The following ANKK1 variants were observed in gnomAD, a reference collection of about 807,000 sequenced individuals.
The protein encoded by ANKK1 is ankyrin repeat and protein kinase domain-containing protein 1.
In ANKK1, 37 loss-of-function variants were observed where a neutral mutation model predicts 37.6. The observed-to-expected ratio is 0.98, with a 90% CI of 0.76 to 1.29. The LOEUF (loss-of-function observed/expected upper bound fraction) is 1.29, where lower values mean the gene tolerates loss of function less well. Ranked by LOEUF, ANKK1 falls within the 50% of genes most tolerant of loss-of-function variation. ANKK1 has a pLI of 0.00. For missense variants in ANKK1, 1,019 were observed against 990.6 expected, an observed-to-expected ratio of 1.03 and a Z score of -0.39; for synonymous variants, 415 against 418.7, an observed-to-expected ratio of 0.99 and a Z score of 0.11.
At chr11:113,396,913 G>A (rs1285937919) in intron 5 of ANKK1, among the ~76,000 whole-genome samples, 1 of 152,224 alleles carries the variant, frequency 6.6e-6, no homozygotes, top group Non-Finnish European at 1.5e-5. Flanking sequence ...GGCTGAGGAT[G>A]GCCCATGAGC....
At position 113,398,851 on chromosome 11, in the gene ANKK1, TA is replaced by T; in HGVS notation, c.995-112del. On this transcript the variant is annotated intron_variant, in intron 7 of 7. Coordinates refer to ENST00000303941, the MANE Select transcript of ANKK1 (RefSeq NM_178510.2). ...CCATGCTTAGGAAAGGCATTGCCCT[TA>T]CTGCTCTAGCCTCTGTTCCTGGATG... The T allele has an allele frequency of 1.1e-5, 10 of 924,800 alleles. No individual in the cohort carries two copies. The South Asian group carries it at 1.7e-4, about 16-fold the overall frequency. The allele number at this position is 924,800 out of a possible 1,614,324, so 57.3% of individuals were successfully genotyped here.
In ANKK1 at chr11:113,395,635, A is replaced by G. The variant is rs1475325306; in HGVS notation, c.682+227A>G. 4.6e-5 allele frequency among the ~76,000 whole-genome samples: 7 copies of G among 152,142 alleles called. No individual in the cohort carries two copies. The East Asian group carries it at 9.6e-4, about 21-fold the overall frequency. ...GAAAGGTCAGCCCAGCCCCCAGCCC[A>G]TGCTTGGTGGCTCTAACTTCCTTGC... On this transcript the variant is annotated intron_variant, in intron 4 of 7. Transcript: ENST00000303941.
Position 113,393,521 on chromosome 11 carries a change from A to C in ANKK1, c.226A>C (p.Lys76Gln), listed in dbSNP as rs774419815. 1 of 1,613,874 alleles carries C rather than the reference A, an allele frequency of 6.2e-7. No individual in the cohort carries two copies. Among genetic ancestry groups the C allele is most frequent in the Admixed American group, 1.7e-5 (1 of 60,022 alleles). Residue 76 changes from lysine to glutamine, a missense_variant, in exon 2 of 8, where the codon AAG becomes CAG. Lys to Gln is a moderately conservative substitution (Grantham distance 53). Coordinates refer to ENST00000303941, the MANE Select transcript of ANKK1 (RefSeq NM_178510.2). ...NYLIEEAAKMKKIKFQHIVSI... is the reference protein window; with the variant it reads ...NYLIEEAAKMQKIKFQHIVSI... ...CCTCATTGAAGAAGCTGCCAAAATG[A>C]AGAAGATCAAGTTTCAGCACATCGT...
chr11:113,389,010 C>T (rs1437216510), intron 1 of ANKK1, among the ~76,000 whole-genome samples: 2 of 152,126 alleles, frequency 1.3e-5, no homozygotes, highest in South Asian at 2.1e-4. Context: ...TCTTAAGATA[C>T]AGCCTCAGGT....
chr11:113,396,973 G>T (rs1950643793), intron 5 of ANKK1, among the ~76,000 whole-genome samples: 1 of 152,212 alleles, frequency 6.6e-6, no homozygotes, highest in South Asian at 2.1e-4. Context: ...GTAAGTGTGA[G>T]CATCTTAGAG....
intron 5 of ANKK1, among the ~76,000 whole-genome samples, chr11:113,396,655 AG>A (rs1293115970): frequency 6.6e-6 from 1 of 152,130 alleles, no homozygotes; most frequent in Non-Finnish European, 1.5e-5. Context: ...GGACTTTTTG[AG>A]GCAGGATCTG....
Position 113,399,416 on chromosome 11 carries a change from C to G in ANKK1, c.1447C>G (p.Arg483Gly). 2.5e-6 allele frequency: 4 copies of G among 1,599,898 alleles called. No individual in the cohort carries two copies. The highest frequency in any genetic ancestry group is 3.4e-6 in the Non-Finnish European group (4 of 1,173,660). The change falls in exon 8 of 8, where the codon CGT becomes GGT. Residue 483 changes from arginine (R) to glycine (G), a missense_variant. Arg to Gly is a moderately radical substitution (Grantham distance 125). Coordinates refer to ENST00000303941, the MANE Select transcript of ANKK1 (RefSeq NM_178510.2). ...GAATGTGGCACGGCTTCTGGTCTCC[C>G]GTCAGGCTGACCCCAACCTGCATGA... ...FENVARLLVSRQADPNLHEAE... is the reference protein window; with the variant it reads ...FENVARLLVSGQADPNLHEAE...
At position 113,399,294 on chromosome 11, in the gene ANKK1, G is replaced by A. The variant is rs775487122; in HGVS notation, c.1325G>A (p.Gly442Asp). The change falls in exon 8 of 8, where the codon GGC (glycine) becomes GAC (aspartate). Residue 442 changes from glycine (G) to aspartate (D), a missense_variant. By Grantham distance (94) the Gly-to-Asp change is moderately conservative (BLOSUM62 -1). Transcript: ENST00000303941. ...TTTGCAGCCCAGAATGGGGATGACG[G>A]CACTGCGCGCCTGCTCCTGGACCAC... The part of the protein sequence containing the change: ...LHFAAQNGDD[G>D]TARLLLDHGA... 7 of 1,600,828 alleles carry A rather than the reference G, an allele frequency of 4.4e-6. No homozygotes were observed. Among genetic ancestry groups the A allele is most frequent in the Admixed American group, 1.7e-5 (1 of 58,374 alleles).
chr11:113,393,562 G>A lies in ANKK1; in HGVS notation c.267G>A (p.Val89=). ...KFQHIVSIYG[V]CKQPLGIVME... ...AGCACATCGTGTCTATCTACGGGGT[G>A]TGCAAGCAGCCCCTGGGTATTGTGA... Residue 89 remains valine (V), a synonymous_variant, in exon 2 of 8, where the codon GTG becomes GTA. Transcript: ENST00000303941. 1 of 1,614,042 alleles carries A rather than the reference G, an allele frequency of 6.2e-7. No individual in the cohort carries two copies. Among genetic ancestry groups the A allele is most frequent in the Non-Finnish European group, 8.5e-7 (1 of 1,179,896 alleles).
rs769090343 is a variant in ANKK1, at chr11:113,398,948, A to T, written c.995-16A>T. 22 of 1,550,070 alleles carry T rather than the reference A, an allele frequency of 1.4e-5. No individual in the cohort carries two copies. Among genetic ancestry groups the T allele is most frequent in the Non-Finnish European group, 1.8e-5 (21 of 1,146,588 alleles). On this transcript the variant is annotated splice_polypyrimidine_tract_variant and intron_variant, in intron 7 of 7. Transcript: ENST00000303941. ...GTCACAGGTCTTTTTTTTCAACCCC[A>T]TCTTTCTCCCAGCAGACTCAGGAAA...
Position 113,399,163 on chromosome 11 carries a change from C to T in ANKK1, c.1194C>T (p.Pro398=), listed in dbSNP as rs1188490533. 8.1e-6 allele frequency: 13 copies of T among 1,597,858 alleles called. No individual in the cohort carries two copies. The highest frequency in any genetic ancestry group is 1.1e-5 in the Non-Finnish European group (13 of 1,172,424). The part of the protein sequence containing the change: ...VDCQTASGYT[P]LLIAAQDQQP... ...GCCAGACGGCCTCTGGATACACGCC[C>T]CTCCTGATCGCCGCCCAGGACCAGC... is the stretch of plus-strand genomic sequence containing the variant. Residue 398 remains proline (P), a synonymous_variant, in exon 8 of 8, where the codon CCC becomes CCT. Transcript: ENST00000303941.
At chr11:113,392,033 G>A (rs1422889598) in intron 1 of ANKK1, among the ~76,000 whole-genome samples, 1 of 152,226 alleles carries the variant, frequency 6.6e-6, no homozygotes, top group African/African-American at 2.4e-5. Flanking sequence ...GTTCAGGGGA[G>A]TGCAGGTACC....
At position 113,393,459 on chromosome 11, in the gene ANKK1, A is replaced by G. The variant is rs140953403; in HGVS notation, c.186-22A>G. On this transcript the variant is annotated intron_variant, in intron 1 of 7. Coordinates refer to ENST00000303941, the MANE Select transcript of ANKK1 (RefSeq NM_178510.2). ...TAATGAATGGGTCACCCCCTTCCAT[A>G]TCTTGCTCCCCCTCTCCATAGCTCT... 95 of 1,596,432 alleles carry G rather than the reference A, an allele frequency of 6.0e-5. No homozygotes were observed. In the African/African-American group the frequency reaches 1.2e-3, roughly 20 times the overall value.
rs1252334187 is a variant in ANKK1, at chr11:113,395,081, G to A, written c.632+1G>A. ...CAGGACCTAAATATGATGTGTACAGGTGAGAAGGAGGCCTGGCGTGATGCC... is the reference window on the plus strand; with the variant it reads ...CAGGACCTAAATATGATGTGTACAGATGAGAAGGAGGCCTGGCGTGATGCC... On this transcript the variant is annotated splice_donor_variant, in intron 3 of 7. Transcript: ENST00000303941. LOFTEE classifies it high-confidence loss of function. 2 of 1,599,388 alleles carry A rather than the reference G, an allele frequency of 1.3e-6. No homozygotes were observed. The highest frequency in any genetic ancestry group is 1.7e-6 in the Non-Finnish European group (2 of 1,171,760).
In ANKK1 at chr11:113,387,905, G is replaced by C; in HGVS notation, c.21G>C (p.Glu7Asp). Residue 7 changes from glutamate (E) to aspartate (D), a missense_variant, in exon 1 of 8, where the codon GAG becomes GAC. Transcript: ENST00000303941. The part of the protein sequence containing the change: MAADPT[E>D]LRLGSLPVFT... ...GGGCAATGGCTGCCGACCCCACCGAGCTGCGGCTGGGCAGCCTCCCCGTCT... is the reference window on the plus strand; with the variant it reads ...GGGCAATGGCTGCCGACCCCACCGACCTGCGGCTGGGCAGCCTCCCCGTCT... The C allele has an allele frequency of 6.4e-7, 1 of 1,558,286 alleles. No individual in the cohort carries two copies. Among genetic ancestry groups the C allele is most frequent in the Non-Finnish European group, 8.7e-7 (1 of 1,155,780 alleles).
chr11:113,399,621 C>A lies in ANKK1; in HGVS notation c.1652C>A (p.Ala551Glu), dbSNP rs751344795. ...ATCCAACACCTGCTGAAGAGTGGAG[C>A]GGTCCCTGATGCCCTTGACCAGAGC... is the stretch of plus-strand genomic sequence containing the variant. ...RAIQHLLKSGAVPDALDQSGY... is the reference protein window; with the variant it reads ...RAIQHLLKSGEVPDALDQSGY... The change falls in exon 8 of 8, where the codon GCG (alanine) becomes GAG (glutamate). Residue 551 changes from alanine to glutamate, a missense_variant. Ala to Glu is a moderately radical substitution (Grantham distance 107). Coordinates refer to ENST00000303941, the MANE Select transcript of ANKK1 (RefSeq NM_178510.2). 3 of 1,606,372 alleles carry A rather than the reference C, an allele frequency of 1.9e-6. No individual in the cohort carries two copies. The highest frequency in any genetic ancestry group is 2.2e-5 in the South Asian group (2 of 89,518).
Position 113,388,010 on chromosome 11 carries a change from G to A in ANKK1, c.126G>A (p.Arg42=). 6.4e-7 allele frequency: 1 copy of A among 1,567,744 alleles called. No individual in the cohort carries two copies. The highest frequency in any genetic ancestry group is 1.2e-5 in the South Asian group (1 of 85,952). ...GCCAGGTGTTCCAGGCGCGGCACAG[G>A]CGCTGGCGGACGGAGTACGCCATCA... ...GFSQVFQARH[R]RWRTEYAIKC... The change falls in exon 1 of 8, where the codon AGG becomes AGA. Residue 42 remains arginine (R), a synonymous_variant. Transcript: ENST00000303941.
In ANKK1 at chr11:113,399,009, A is replaced by G; in HGVS notation, c.1040A>G (p.Lys347Arg). ...LKRALQLSDR[K>R]NLVPRDEELC... ...CGGGCCCTTCAGCTCTCCGACCGTA[A>G]GAATTTGGTCCCGAGAGATGAGGAA... Residue 347 changes from lysine to arginine, a missense_variant, in exon 8 of 8, where the codon AAG becomes AGG. By Grantham distance (26) the Lys-to-Arg change is conservative. Transcript: ENST00000303941. The G allele has an allele frequency of 6.3e-7, 1 of 1,599,018 alleles. No individual in the cohort carries two copies. The highest frequency in any genetic ancestry group is 8.5e-7 in the Non-Finnish European group (1 of 1,172,740).
In ANKK1 at chr11:113,395,404, C is replaced by T; in HGVS notation, c.678C>T (p.Tyr226=). ...IWELLTQKKP[Y]SGFNMMMIII... ...AGCTACTCACTCAGAAGAAACCATA[C>T]TCAGGTAAGCAGGCGGCTGTGGCTC... Residue 226 remains tyrosine, a synonymous_variant, in exon 4 of 8, where the codon TAC becomes TAT. Coordinates refer to ENST00000303941, the MANE Select transcript of ANKK1 (RefSeq NM_178510.2). 2 of 1,613,896 alleles carry T rather than the reference C, an allele frequency of 1.2e-6. No individual in the cohort carries two copies. Among genetic ancestry groups the T allele is most frequent in the Non-Finnish European group, 1.7e-6 (2 of 1,179,852 alleles).
Sources: allele counts gnomAD v4.1 joint callset (sites outside exome capture counted in the v4.1 genomes callset), GRCh38; gene constraint gnomAD v4.1.1; transcripts MANE v1.5; gene names NCBI Gene and HGNC (gene_info 2026-07-23, HGNC 2026-07-21).